The following PDPR variants were observed in gnomAD, a reference collection of about 807,000 sequenced individuals.
The protein encoded by PDPR is pyruvate dehydrogenase phosphatase regulatory subunit, mitochondrial.
In PDPR, 50 loss-of-function variants were observed where a neutral mutation model predicts 102.2. The ratio of observed to expected loss-of-function variants is 0.49; its 90% CI spans 0.39 to 0.62. The LOEUF is 0.62. Among genes scored for constraint, PDPR ranks in the 20% least tolerant of loss-of-function variants. The pLI, the probability that PDPR is intolerant of heterozygous loss-of-function variation, is 0.00. For synonymous variants in PDPR, 259 were observed against 406.0 expected (o/e 0.64, Z 4.35); for missense variants, 625 against 1,098.2 (o/e 0.57, Z 6.09).
Position 70,146,117 on chromosome 16 carries a change from T to C in PDPR, c.1868-17T>C, listed in dbSNP as rs1301042909. On this transcript the variant is annotated splice_polypyrimidine_tract_variant and intron_variant, in intron 15 of 18. Coordinates refer to ENST00000288050, the MANE Select transcript of PDPR (RefSeq NM_017990.5). The stretch of plus-strand genomic sequence containing the variant: ...TTCAGAAGGAGAGCTGGACATCTCT[T>C]GTTCTTTTCCATTTAGCCCTCAATC... 6.2e-7 allele frequency: 1 copy of C among 1,610,510 alleles called. No individual in the cohort carries two copies. Among genetic ancestry groups the C allele is most frequent in the Non-Finnish European group, 8.5e-7 (1 of 1,177,352 alleles).
intron 11 of PDPR, among the ~76,000 whole-genome samples, chr16:70,140,985 T>C (rs1489007440): frequency 1.2e-4 from 19 of 152,360 alleles, no homozygotes; most frequent in African/African-American, 4.6e-4. Context: ...TGGTGTGAGA[T>C]CAGGGACCAC....
chr16:70,116,650 A>G (rs1435984470), intron 2 of PDPR, among the ~76,000 whole-genome samples: 2 of 150,586 alleles, frequency 1.3e-5, no homozygotes, highest in East Asian at 4.0e-4. Flanking sequence ...CCAAGATGCA[A>G]TGGTGGCCGC....
intron 2 of PDPR, 23 bp from the exon 3 acceptor site, chr16:70,120,438 A>G (rs1963121723): frequency 2.3e-6 from 3 of 1,282,610 alleles, no homozygotes; most frequent in East Asian, 4.7e-5. Flanking sequence ...ATGGCATGAA[A>G]TATGTTTGGT....
chr16:70,148,238 C>T (rs1246703842), intron 16 of PDPR, among the ~76,000 whole-genome samples: 2 of 152,238 alleles, frequency 1.3e-5, no homozygotes, highest in Admixed American at 1.3e-4. Context: ...GGCTAAAACT[C>T]CTGAGATGGT....
Position 70,141,664 on chromosome 16 carries a change from G to A in PDPR, c.1316-570G>A, listed in dbSNP as rs574200955. On this transcript the variant is annotated intron_variant, in intron 11 of 18. Transcript: ENST00000288050. ...TCTGCCATCATTTCTACCTACTAAT[G>A]TGGAATGCTGAATGTGAATACAGGC... Among the ~76,000 whole-genome samples, 167 of 152,340 alleles carry A rather than the reference G, an allele frequency of 1.1e-3. 1 individual carries two copies. Among genetic ancestry groups the A allele is most frequent in the South Asian group, 6.2e-3 (30 of 4,830 alleles).
chr16:70,163,365 C>G (rs1967940781), downstream of PDPR, among the ~76,000 whole-genome samples: 1 of 151,982 alleles, frequency 6.6e-6, no homozygotes, highest in African/African-American at 2.4e-5. Flanking sequence ...CCCTTCTATT[C>G]CAGTTCCAGG....
rs771771219 is a variant in PDPR, at chr16:70,120,551, A to G, written c.59A>G (p.Gln20Arg). 31 of 1,613,940 alleles carry G rather than the reference A, an allele frequency of 1.9e-5. 2 individuals carry two copies. In the South Asian group the frequency reaches 3.4e-4, roughly 18 times the overall value. Residue 20 changes from glutamine (Q) to arginine (R), a missense_variant, in exon 3 of 19, where the codon CAG becomes CGG. Gln to Arg is a conservative substitution (Grantham distance 43, BLOSUM62 1). This residue lies in a region of PDPR where 84 missense variants were observed against 87.7 expected (regional missense o/e 0.96). Transcript: ENST00000288050. ...VGRQRASPGWQNWSSARNSTS... is the reference protein window; with the variant it reads ...VGRQRASPGWRNWSSARNSTS... ...AGACAAAGAGCCAGCCCAGGATGGC[A>G]GAACTGGTCCTCTGCAAGAAACAGC...
chr16:70,127,554 C>G (rs1408401142), intron 4 of PDPR, among the ~76,000 whole-genome samples, 161 bp downstream of exon 4: 5 of 152,280 alleles, frequency 3.3e-5, no homozygotes. Flanking sequence ...CTTTGGGAGG[C>G]CGAGGCAGGC....
rs978797284 is a variant in PDPR, at chr16:70,162,028, C to T, written c.*5149C>T. The T allele has an allele frequency of 6.6e-6, 1 of 152,412 alleles. No individual in the cohort carries two copies. The highest frequency in any genetic ancestry group is 2.1e-4 in the South Asian group (1 of 4,834). The allele number at this position is 152,412 out of a possible 1,614,324, so 9.4% of individuals were successfully genotyped here. On this transcript the variant is annotated 3_prime_UTR_variant, in exon 19 of 19. Transcript: ENST00000288050. ...CTATTCTCTAAGCCAGGTTCTAGTG[C>T]CTTACACTCCAGAATGTCAGATGGT...
At chr16:70,144,728 T>G (rs2911110) in intron 15 of PDPR, among the ~76,000 whole-genome samples, 195 bp downstream of exon 15, 8 of 152,204 alleles carry the variant, frequency 5.3e-5, no homozygotes, top group Admixed American at 2.0e-4. Flanking sequence ...AGGCCGAGGT[T>G]GGAGGATCAC....
At chr16:70,151,729 A>C (rs1238018330) in intron 17 of PDPR, among the ~76,000 whole-genome samples, 1 of 152,272 alleles carries the variant, frequency 6.6e-6, no homozygotes, top group East Asian at 1.9e-4. Context: ...ATGATTTTTC[A>C]AGAGTCTAAG....
intron 16 of PDPR, among the ~76,000 whole-genome samples, chr16:70,146,881 A>AT (rs1966279795): frequency 1.2e-5 from 1 of 86,914 alleles, no homozygotes; most frequent in Non-Finnish European, 2.4e-5. Flanking sequence ...AAAAAAAAAA[A>AT]TGTGCTGCCC....
intron 15 of PDPR, among the ~76,000 whole-genome samples, chr16:70,145,269 C>T (rs1158877661): frequency 1.3e-5 from 2 of 152,208 alleles, no homozygotes; most frequent in Non-Finnish European, 2.9e-5. Flanking sequence ...TCCCAAGTAG[C>T]TGGGATTATA....
intron 16 of PDPR, chr16:70,147,488 G>A (rs1370140790): frequency 6.8e-5 from 26 of 382,022 alleles, no homozygotes; most frequent in South Asian, 9.6e-5. Context: ...CTTCAGGGAA[G>A]AAATGGCGTA....
intron 18 of PDPR, among the ~76,000 whole-genome samples, chr16:70,155,583 T>TA (rs1448118127): frequency 6.6e-6 from 1 of 152,208 alleles, no homozygotes; most frequent in Non-Finnish European, 1.5e-5. Context: ...AGAGATGGGG[T>TA]TTCTCCAGGT....
At chr16:70,119,176 C>A (rs1235236631) in intron 2 of PDPR, among the ~76,000 whole-genome samples, 6 of 151,990 alleles carry the variant, frequency 3.9e-5, no homozygotes, top group African/African-American at 1.5e-4. Flanking sequence ...AAAACCCTGC[C>A]TTGTCCAAGG....
intron 16 of PDPR, 34 bp downstream of exon 16, chr16:70,146,262 G>T (rs768512658): frequency 8.1e-6 from 13 of 1,613,254 alleles, no homozygotes; most frequent in Admixed American, 1.7e-5. Context: ...TCTTAAATGG[G>T]CAGAGAATGT....
intron 3 of PDPR, among the ~76,000 whole-genome samples, chr16:70,126,104 A>C (rs1395844738): frequency 6.6e-6 from 1 of 152,278 alleles, no homozygotes; most frequent in Non-Finnish European, 1.5e-5. Flanking sequence ...TACCTTACAC[A>C]CTGTTCTTCA....
chr16:70,146,330 G>A, intron 16 of PDPR, 102 bp downstream of exon 16: 1 of 1,578,590 alleles, frequency 6.3e-7, no homozygotes, highest in Non-Finnish European at 8.6e-7. Flanking sequence ...CCCACAAAGA[G>A]TGTCTTGGCT....
Sources: allele counts gnomAD v4.1 joint callset (sites outside exome capture counted in the v4.1 genomes callset), GRCh38; gene constraint gnomAD v4.1.1; regional missense constraint gnomAD v4.1.1; transcripts MANE v1.5; gene names NCBI Gene and HGNC (gene_info 2026-07-23, HGNC 2026-07-21).